NIBAN1: variants seen among roughly 807,000 people sequenced by gnomAD.
The protein encoded by NIBAN1 is niban apoptosis regulator 1.
Under a neutral mutation model 75.1 loss-of-function variants are expected in NIBAN1, and 81 were observed. The observed-to-expected ratio is 1.08, with a 90% CI of 0.90 to 1.30. The LOEUF (loss-of-function observed/expected upper bound fraction) is 1.30. Ranked by LOEUF, NIBAN1 falls within the 50% of genes most tolerant of loss-of-function variation. The probability of loss-of-function intolerance (pLI) is 0.00; values close to 1 mark genes in which losing one functional copy is unlikely to be tolerated. For synonymous variants in NIBAN1, 436 were observed against 424.8 expected (o/e 1.03, Z -0.32); for missense variants, 1,133 against 1,128.1 (o/e 1.00, Z -0.06).
At chr1:184,926,803 C>T (rs537289990) in intron 1 of NIBAN1, among the ~76,000 whole-genome samples, 4 of 152,086 alleles carry the variant, frequency 2.6e-5, no homozygotes, top group Non-Finnish European at 5.9e-5. Context: ...TCAGACTTGC[C>T]CTTTTGAGGC....
chr1:184,855,737 C>T (rs189553756), intron 5 of NIBAN1, among the ~76,000 whole-genome samples: 2 of 152,282 alleles, frequency 1.3e-5, no homozygotes, highest in African/African-American at 2.4e-5. Flanking sequence ...ATAAGTGTCA[C>T]AAGAACAGGC....
chr1:184,831,029 G>A (rs1422901780), intron 6 of NIBAN1, among the ~76,000 whole-genome samples: 3 of 151,256 alleles, frequency 2.0e-5, no homozygotes, highest in South Asian at 2.1e-4. Context: ...CTTAAATACC[G>A]TGTTACTTTA....
At chr1:184,894,292 T>G in intron 2 of NIBAN1, 86 bp from the exon 3 acceptor site, 1 of 1,388,296 alleles carries the variant, frequency 7.2e-7, no homozygotes, top group Non-Finnish European at 9.4e-7. Context: ...TTTCAAGGAA[T>G]AGTTTAGGAA....
At chr1:184,936,868 T>C (rs954917172) in intron 1 of NIBAN1, among the ~76,000 whole-genome samples, 12 of 152,154 alleles carry the variant, frequency 7.9e-5, no homozygotes, top group Admixed American at 5.9e-4. Flanking sequence ...GGACCTGACA[T>C]CTTTGGGGAG....
chr1:184,841,618 C>T (rs1434263821), intron 5 of NIBAN1, among the ~76,000 whole-genome samples: 1 of 152,158 alleles, frequency 6.6e-6, no homozygotes, highest in Non-Finnish European at 1.5e-5. Flanking sequence ...GAACAGAGGG[C>T]TGGATTCGTT....
intron 1 of NIBAN1, among the ~76,000 whole-genome samples, chr1:184,946,599 T>C (rs1401100991): frequency 6.6e-6 from 1 of 152,202 alleles, no homozygotes; most frequent in Admixed American, 6.5e-5. Flanking sequence ...GATAAAAAAT[T>C]AGATCATAAA....
intron 8 of NIBAN1, among the ~76,000 whole-genome samples, chr1:184,819,916 G>A (rs751198821): frequency 3.9e-5 from 6 of 152,146 alleles, no homozygotes; most frequent in South Asian, 2.1e-4. Flanking sequence ...GAATGGCCTC[G>A]TTCTTATTTC....
chr1:184,902,170 T>C (rs1165591827), intron 1 of NIBAN1, among the ~76,000 whole-genome samples: 1 of 151,888 alleles, frequency 6.6e-6, no homozygotes, highest in African/African-American at 2.4e-5. Flanking sequence ...GAGTTTGAGG[T>C]TGTGATGAGC....
At chr1:184,893,971 G>A (rs1432946681) in intron 3 of NIBAN1, 104 bp downstream of exon 3, 1 of 1,217,774 alleles carries the variant, frequency 8.2e-7, no homozygotes, top group African/African-American at 1.5e-5. Context: ...GTACCATGCT[G>A]ATTTTGTTAG....
At chr1:184,856,818 AG>A (rs1655691060) in intron 5 of NIBAN1, among the ~76,000 whole-genome samples, 1 of 152,214 alleles carries the variant, frequency 6.6e-6, no homozygotes, top group African/African-American at 2.4e-5. Context: ...TGGCAAAAGA[AG>A]GCATAATGAT....
chr1:184,845,462 G>A (rs1217557606), intron 5 of NIBAN1, among the ~76,000 whole-genome samples: 1 of 152,138 alleles, frequency 6.6e-6, no homozygotes, highest in Middle Eastern at 3.2e-3. Flanking sequence ...AACTTTAACT[G>A]CAAAAAGCAG....
intron 1 of NIBAN1, among the ~76,000 whole-genome samples, chr1:184,971,262 G>T (rs995127865): frequency 6.6e-6 from 1 of 152,010 alleles, no homozygotes; most frequent in Non-Finnish European, 1.5e-5. Flanking sequence ...GCGTAACAGA[G>T]TGAGACCCTA....
intron 1 of NIBAN1, among the ~76,000 whole-genome samples, chr1:184,947,073 C>CAAAA (rs368783783): frequency 6.8e-6 from 1 of 147,874 alleles, no homozygotes; most frequent in Non-Finnish European, 1.5e-5. Flanking sequence ...AACTCCATCT[C>CAAAA]AAAAAGAAAA....
chr1:184,871,341 C>G (rs112415166), intron 5 of NIBAN1, among the ~76,000 whole-genome samples: 2 of 82,250 alleles, frequency 2.4e-5, no homozygotes, highest in African/African-American at 1.0e-4. Flanking sequence ...GATCAAAACT[C>G]TATCTCAAAA....
chr1:184,820,231 T>C (rs934865647), intron 8 of NIBAN1, among the ~76,000 whole-genome samples: 4 of 152,118 alleles, frequency 2.6e-5, no homozygotes, highest in African/African-American at 7.2e-5. Context: ...AAGCATCTAA[T>C]GGAAATTTCA....
At chr1:184,891,064 T>C (rs922429599) in intron 3 of NIBAN1, among the ~76,000 whole-genome samples, 1 of 152,216 alleles carries the variant, frequency 6.6e-6, no homozygotes, top group African/African-American at 2.4e-5. Context: ...GACTAAATAA[T>C]GTTGATCTGA....
intron 1 of NIBAN1, among the ~76,000 whole-genome samples, chr1:184,901,958 G>A (rs189698184): frequency 7.2e-5 from 11 of 152,140 alleles, no homozygotes; most frequent in Non-Finnish European, 1.2e-4. Context: ...GTTCTGGGGT[G>A]GGGGGAACCT....
At chr1:184,833,225 C>G (rs1033636253) in intron 5 of NIBAN1, among the ~76,000 whole-genome samples, 2 of 150,640 alleles carry the variant, frequency 1.3e-5, no homozygotes, top group East Asian at 1.9e-4. Context: ...AAGGATCAAT[C>G]TGCTCTCAAA....
chr1:184,954,504 T>C (rs1460500468), intron 1 of NIBAN1, among the ~76,000 whole-genome samples: 2 of 152,180 alleles, frequency 1.3e-5, no homozygotes, highest in African/African-American at 4.8e-5. Flanking sequence ...TCAGGGCCTC[T>C]TTTATCTGGG....
Sources: gnomAD v4.1 joint callset for allele counts (sites outside exome capture counted in the v4.1 genomes callset) on GRCh38, gnomAD v4.1.1 for gene constraint, MANE v1.5 for transcripts, NCBI Gene and HGNC (gene_info 2026-07-23, HGNC 2026-07-21) for gene names.